CNGB3: variants seen among roughly 807,000 people sequenced by gnomAD.
CNGB3 encodes cyclic nucleotide-gated channel beta-3.
CNGB3 carries 86 observed loss-of-function variants against 92.8 expected under a neutral mutation model. The observed-to-expected ratio is 0.93, with a 90% CI of 0.78 to 1.11. The LOEUF (loss-of-function observed/expected upper bound fraction) is 1.11, where lower values mean the gene tolerates loss of function less well. Ranked by LOEUF, CNGB3 falls within the 50% of genes least tolerant of loss-of-function variation. The probability of loss-of-function intolerance (pLI) is 0.00; values close to 1 mark genes in which losing one functional copy is unlikely to be tolerated. For missense variants in CNGB3, 1,026 were observed against 956.8 expected (o/e 1.07, Z -0.95); for synonymous variants, 333 against 332.7 (o/e 1.00, Z -0.01).
At chr8:86,670,907 T>C (rs368773578) in intron 4 of CNGB3, 37 bp downstream of exon 4, 9 of 1,611,024 alleles carry the variant, frequency 5.6e-6, no homozygotes, top group Non-Finnish European at 7.6e-6. Context: ...CCCTCAGCAC[T>C]TCTTTCTTCC....
chr8:86,609,785 A>G (rs555731550), intron 14 of CNGB3, among the ~76,000 whole-genome samples: 4 of 152,110 alleles, frequency 2.6e-5, no homozygotes, highest in East Asian at 1.9e-4. Context: ...GCCAAGCTCC[A>G]TCTTGCCTCT....
rs770173277 is a variant in CNGB3, at chr8:86,632,767, G to A, written c.1305C>T (p.Ser435=). Residue 435 remains serine (S), a synonymous_variant, in exon 11 of 18, where the codon TCC becomes TCT. Transcript: ENST00000320005. ...LNFFSGVFVF[S]SLIGQMRDVI... ...CTCAGCTTACCTGACCAATTAAACT[G>A]GAGAACACAAAAACTCCAGAAAAAA... 31 of 1,612,894 alleles carry A rather than the reference G, an allele frequency of 1.9e-5. No individual in the cohort carries two copies. The highest frequency in any genetic ancestry group is 2.5e-5 in the Non-Finnish European group (30 of 1,179,760).
At chr8:86,630,807 G>A (rs1822948202) in intron 11 of CNGB3, among the ~76,000 whole-genome samples, 1 of 152,144 alleles carries the variant, frequency 6.6e-6, no homozygotes, top group Non-Finnish European at 1.5e-5. Context: ...CCAGGAGTTT[G>A]AGGCTACAGT....
chr8:86,604,702 T>C (rs1028684614), intron 14 of CNGB3, among the ~76,000 whole-genome samples: 3 of 152,186 alleles, frequency 2.0e-5, no homozygotes, highest in African/African-American at 7.2e-5. Context: ...TAGTATTCCA[T>C]ACTGAGATAA....
intron 3 of CNGB3, among the ~76,000 whole-genome samples, chr8:86,700,203 A>T (rs1208246998): frequency 6.6e-6 from 1 of 152,216 alleles, no homozygotes; most frequent in African/African-American, 2.4e-5. Flanking sequence ...TAATGCATAC[A>T]TCTGAAGCTC....
chr8:86,586,499 A>G lies in CNGB3; in HGVS notation c.1782-7247T>C, dbSNP rs1342435080. Among the ~76,000 whole-genome samples, 70 of 81,234 alleles carry G rather than the reference A, an allele frequency of 8.6e-4. 1 individual carries two copies. Among genetic ancestry groups the G allele is most frequent in the Non-Finnish European group, 1.6e-4 (7 of 44,150 alleles). The allele number at this position is 81,234 out of a possible 152,430, so 53.3% of individuals were successfully genotyped here. A position where few individuals can be genotyped will look rare whatever the true frequency, so the allele number is the denominator to read the frequency against. On this transcript the variant is annotated intron_variant, in intron 15 of 17. Transcript: ENST00000320005. ...TATCCCTCCCCCCTCCCCCCACCAC[A>G]CAACAGTCCCCAGAGTGTGATGTTC... is the stretch of plus-strand genomic sequence containing the variant.
intron 4 of CNGB3, among the ~76,000 whole-genome samples, chr8:86,669,499 C>T (rs983047179): frequency 5.3e-5 from 8 of 152,090 alleles, no homozygotes; most frequent in Admixed American, 1.3e-4. Flanking sequence ...GCCAGAGATC[C>T]GAAACACTGC....
chr8:86,617,809 C>G (rs556503848), intron 13 of CNGB3, among the ~76,000 whole-genome samples: 1 of 152,210 alleles, frequency 6.6e-6, no homozygotes, highest in South Asian at 2.1e-4. Context: ...TTTTTGGCAC[C>G]AGGGACCAGT....
chr8:86,690,470 A>T (rs541398865), intron 3 of CNGB3, among the ~76,000 whole-genome samples: 1 of 152,100 alleles, frequency 6.6e-6, no homozygotes, highest in Non-Finnish European at 1.5e-5. Flanking sequence ...CCTTTGTCAG[A>T]TGAGTAGATT....
chr8:86,692,006 G>C (rs1408387813), intron 3 of CNGB3, among the ~76,000 whole-genome samples: 3 of 152,090 alleles, frequency 2.0e-5, no homozygotes, highest in Non-Finnish European at 2.9e-5. Flanking sequence ...AGGAACAGGT[G>C]ATTTAATTTT....
At chr8:86,709,824 T>A (rs1394950212) in intron 3 of CNGB3, among the ~76,000 whole-genome samples, 2 of 152,198 alleles carry the variant, frequency 1.3e-5, no homozygotes, top group African/African-American at 4.8e-5. Flanking sequence ...TATTTAAAGC[T>A]AAAACTATAC....
At chr8:86,666,720 T>C (rs957126341) in intron 6 of CNGB3, among the ~76,000 whole-genome samples, 6 of 152,128 alleles carry the variant, frequency 3.9e-5, no homozygotes, top group Non-Finnish European at 5.9e-5. Context: ...GAAACTAAGG[T>C]ACAGGGAGAT....
intron 3 of CNGB3, among the ~76,000 whole-genome samples, chr8:86,709,346 C>A (rs1026857231): frequency 6.6e-6 from 1 of 152,134 alleles, no homozygotes; most frequent in Non-Finnish European, 1.5e-5. Flanking sequence ...CTACGTTTTC[C>A]TCTAGCATAG....
intron 3 of CNGB3, among the ~76,000 whole-genome samples, chr8:86,694,219 G>T (rs1168995671): frequency 7.0e-6 from 1 of 142,052 alleles, no homozygotes; most frequent in Non-Finnish European, 1.5e-5. Flanking sequence ...CTGGCCGGGC[G>T]GGGGGCTGAC....
At chr8:86,698,562 C>G (rs903997733) in intron 3 of CNGB3, among the ~76,000 whole-genome samples, 11 of 152,188 alleles carry the variant, frequency 7.2e-5, no homozygotes, top group Non-Finnish European at 1.6e-4. Flanking sequence ...AGGGAAAAAG[C>G]TTTTCATCCC....
chr8:86,675,176 G>T (rs2131622585), intron 3 of CNGB3, among the ~76,000 whole-genome samples: 1 of 152,148 alleles, frequency 6.6e-6, no homozygotes, highest in Non-Finnish European at 1.5e-5. Context: ...TGGCTAGGTT[G>T]GTCTAGAACT....
intron 3 of CNGB3, chr8:86,708,097 C>T (rs1824682380): frequency 6.6e-6 from 1 of 152,176 alleles, no homozygotes; most frequent in South Asian, 2.1e-4. Context: ...ACCCAGGGTT[C>T]TGGGCAGAAA....
In CNGB3 at chr8:86,670,384, A is replaced by G. The variant is rs1823831264; in HGVS notation, c.493+560T>C. 2.0e-5 allele frequency among the ~76,000 whole-genome samples: 3 copies of G among 152,146 alleles called. No homozygotes were observed. In the South Asian group the frequency reaches 6.2e-4, roughly 32 times the overall value. On this transcript the variant is annotated intron_variant, in intron 4 of 17. Coordinates refer to ENST00000320005, the MANE Select transcript of CNGB3 (RefSeq NM_019098.5). ...TATCCTGAGCCTGGAGGTCACCTGT[A>G]GGAGGCTTCCCTGCATCTGTCGGAG...
intron 13 of CNGB3, among the ~76,000 whole-genome samples, chr8:86,618,445 A>G (rs1455609154): frequency 6.6e-6 from 1 of 152,220 alleles, no homozygotes; most frequent in Non-Finnish European, 1.5e-5. Context: ...TATGCCAGGT[A>G]CTGATATAAG....
Sources: gnomAD v4.1 joint callset for allele counts (sites outside exome capture counted in the v4.1 genomes callset) on GRCh38, gnomAD v4.1.1 for gene constraint, MANE v1.5 for transcripts, NCBI Gene and HGNC (gene_info 2026-07-23, HGNC 2026-07-21) for gene names.